Variants in GDAP1L1 observed in about 807,000 individuals in gnomAD.
The protein encoded by GDAP1L1 is ganglioside induced differentiation associated protein 1 like 1.
A neutral mutation model predicts 37.1 loss-of-function variants in GDAP1L1; 21 were observed. The observed-to-expected ratio is 0.57, with a 90% CI of 0.40 to 0.81. GDAP1L1 has a LOEUF of 0.81. Among genes scored for constraint, GDAP1L1 ranks in the 40% least tolerant of loss-of-function variants. GDAP1L1 has a pLI of 0.00. For missense variants in GDAP1L1, 362 were observed against 491.6 expected, an observed-to-expected ratio of 0.74 and a Z score of 2.49; for synonymous variants, 193 against 209.1, an observed-to-expected ratio of 0.92 and a Z score of 0.67.
intron 1 of GDAP1L1, among the ~76,000 whole-genome samples, chr20:44,253,148 CT>C (rs1347550974): frequency 6.6e-6 from 1 of 152,138 alleles, no homozygotes; most frequent in Admixed American, 6.6e-5. Flanking sequence ...TCTATTTTCT[CT>C]TTTTTTGGAC....
At chr20:44,268,825 G>A (rs2062482921) in intron 5 of GDAP1L1, among the ~76,000 whole-genome samples, 1 of 152,204 alleles carries the variant, frequency 6.6e-6, no homozygotes, top group Non-Finnish European at 1.5e-5. Context: ...GGTGAGGTGA[G>A]ATCACGGGCC....
rs147883207 is a variant in GDAP1L1, at chr20:44,247,423, C to A, written c.89C>A (p.Ala30Asp). Reference sequence around the variant, plus strand: ...AGCGATGCGGCCAAGCCAGCGGAGGCCCCCGACGCTCCCGAGGCGGCCAGC... The same window carrying A: ...AGCGATGCGGCCAAGCCAGCGGAGGACCCCGACGCTCCCGAGGCGGCCAGC... ...LESDAAKPAE[A>D]PDAPEAASPA... Residue 30 changes from alanine (A) to aspartate (D), a missense_variant, in exon 1 of 6, where the codon GCC becomes GAC. Ala to Asp is a moderately radical substitution (Grantham distance 126). Around this residue, in one of 2 missense-constraint regions of GDAP1L1, gnomAD observed 277 missense variants for 337.1 expected, o/e 0.82. Coordinates refer to ENST00000342560, the MANE Select transcript of GDAP1L1 (RefSeq NM_024034.6). 382 of 1,610,998 alleles carry A rather than the reference C, an allele frequency of 2.4e-4. 5 individuals are homozygous for A. The African/African-American group carries it at 4.4e-3, about 19-fold the overall frequency.
At chr20:44,264,900 G>C in intron 5 of GDAP1L1, 1 of 1,058,006 alleles carries the variant, frequency 9.5e-7, no homozygotes, top group South Asian at 3.0e-5. Flanking sequence ...ATAAAGGTAG[G>C]TGAAGATGAT....
intron 1 of GDAP1L1, among the ~76,000 whole-genome samples, chr20:44,255,128 T>C (rs1404447428): frequency 6.6e-6 from 1 of 152,108 alleles, no homozygotes; most frequent in Non-Finnish European, 1.5e-5. Context: ...CTAAGACACA[T>C]TACCCCTACT....
chr20:44,258,082 T>G (rs1200214398), intron 2 of GDAP1L1: 29 of 701,814 alleles, frequency 4.1e-5, no homozygotes, highest in African/African-American at 7.0e-5. Context: ...AGACATGCAC[T>G]GTTTTAAAAG....
At chr20:44,261,867 A>G (rs6031485) in intron 3 of GDAP1L1, among the ~76,000 whole-genome samples, 35,600 of 152,152 alleles carry the variant, frequency 0.23, 4,986 homozygotes, top group African/African-American at 0.39. Flanking sequence ...TCTAGAAGGA[A>G]GCTTTCAGGA....
chr20:44,274,587 T>A (rs1193740096), intron 5 of GDAP1L1, among the ~76,000 whole-genome samples: 2 of 152,218 alleles, frequency 1.3e-5, no homozygotes, highest in East Asian at 3.8e-4. Context: ...TGTCTCCTCT[T>A]CGGAACCCTG....
chr20:44,253,501 C>A (rs1490687251), intron 1 of GDAP1L1, among the ~76,000 whole-genome samples: 1 of 152,230 alleles, frequency 6.6e-6, no homozygotes, highest in African/African-American at 2.4e-5. Context: ...GAGACAACAA[C>A]CCAGCCCATC....
In GDAP1L1 at chr20:44,247,447, G is replaced by T; in HGVS notation, c.113G>T (p.Ser38Ile). ...AEAPDAPEAA[S>I]PAHWPRESLV... ...GCCCCCGACGCTCCCGAGGCGGCCA[G>T]CCCCGCCCATTGGCCCAGGGAGAGC... The change falls in exon 1 of 6, where the codon AGC (serine) becomes ATC (isoleucine). Residue 38 changes from serine to isoleucine, a missense_variant. Coordinates refer to ENST00000342560, the MANE Select transcript of GDAP1L1 (RefSeq NM_024034.6). 6.2e-7 allele frequency: 1 copy of T among 1,607,430 alleles called. No individual in the cohort carries two copies. The highest frequency in any genetic ancestry group is 8.5e-7 in the Non-Finnish European group (1 of 1,177,448).
intron 5 of GDAP1L1, among the ~76,000 whole-genome samples, chr20:44,272,706 A>G (rs1379169779): frequency 6.6e-6 from 1 of 152,218 alleles, no homozygotes; most frequent in East Asian, 1.9e-4. Flanking sequence ...CCAGGCGCAC[A>G]CACAAACACG....
Position 44,258,597 on chromosome 20 carries a change from C to T in GDAP1L1, c.537C>T (p.Ala179=), listed in dbSNP as rs149861755. Reference sequence around the variant, plus strand: ...CCATGATCCCCAAGTACGCCACGGCCGAGATCCGCAGTGAGTGCCAGGGCG... The same window carrying T: ...CCATGATCCCCAAGTACGCCACGGCTGAGATCCGCAGTGAGTGCCAGGGCG... ...TDSMIPKYAT[A]EIRRHLANAT... is the part of the protein sequence containing the mutation. The change falls in exon 3 of 6, where the codon GCC becomes GCT. Residue 179 remains alanine (A), a synonymous_variant. Transcript: ENST00000342560. 1.8e-5 allele frequency: 29 copies of T among 1,600,358 alleles called. 1 individual carries two copies. Among genetic ancestry groups the T allele is most frequent in the African/African-American group, 1.3e-5 (1 of 74,698 alleles).
In GDAP1L1 at chr20:44,279,398, A is replaced by G. The variant is rs2062618545; in HGVS notation, c.*98A>G. 1.2e-6 allele frequency: 1 copy of G among 801,128 alleles called. No individual in the cohort carries two copies. The highest frequency in any genetic ancestry group is 1.7e-5 in the African/African-American group (1 of 59,140). 49.6% of individuals were successfully genotyped at this position (801,128 alleles called of 1,614,324 possible). On this transcript the variant is annotated 3_prime_UTR_variant, in exon 6 of 6. Coordinates refer to ENST00000342560, the MANE Select transcript of GDAP1L1 (RefSeq NM_024034.6). ...CTCACTGTCTCATGAACACTTGGAC[A>G]GCCCTCCCCGCCCTTCGTTCTGAGT... is the stretch of plus-strand genomic sequence containing the variant.
At chr20:44,250,839 TAG>T (rs1271039078) in intron 1 of GDAP1L1, among the ~76,000 whole-genome samples, 2 of 152,268 alleles carry the variant, frequency 1.3e-5, no homozygotes, top group Non-Finnish European at 2.9e-5. Context: ...CAAAAAAGCA[TAG>T]AGTCAGGAGA....
chr20:44,250,825 G>A (rs1469315810), intron 1 of GDAP1L1, among the ~76,000 whole-genome samples: 1 of 152,090 alleles, frequency 6.6e-6, no homozygotes, highest in Non-Finnish European at 1.5e-5. Flanking sequence ...GAGGCCAGGA[G>A]GGGCAAAAAA....
Position 44,280,873 on chromosome 20 carries a change from A to T in GDAP1L1, c.*1573A>T, listed in dbSNP as rs1475778701. 6.6e-6 allele frequency: 1 copy of T among 152,282 alleles called. No individual in the cohort carries two copies. The highest frequency in any genetic ancestry group is 2.4e-5 in the African/African-American group (1 of 41,474). 9.4% of individuals were successfully genotyped at this position (152,282 alleles called of 1,614,324 possible). Reference sequence around the variant, plus strand: ...AATGTATTTAAAATGCCCAAAGAACATTAAATCAGGAGTATAATGTGTAGA... The same window carrying T: ...AATGTATTTAAAATGCCCAAAGAACTTTAAATCAGGAGTATAATGTGTAGA... On this transcript the variant is annotated 3_prime_UTR_variant, in exon 6 of 6. Coordinates refer to ENST00000342560, the MANE Select transcript of GDAP1L1 (RefSeq NM_024034.6).
chr20:44,274,094 C>T (rs573574415), intron 5 of GDAP1L1, among the ~76,000 whole-genome samples: 1 of 152,218 alleles, frequency 6.6e-6, no homozygotes, highest in South Asian at 2.1e-4. Context: ...TGATGAAATA[C>T]GGTAGTATAT....
chr20:44,267,990 C>G (rs1325946902), intron 5 of GDAP1L1, among the ~76,000 whole-genome samples: 1 of 152,186 alleles, frequency 6.6e-6, no homozygotes, highest in Non-Finnish European at 1.5e-5. Flanking sequence ...GGGGAGGTAG[C>G]AGAAGCCCCA....
rs1015268708 is a variant in GDAP1L1 at position 44,265,060 on chromosome 20, C to A, written c.760+501C>A. The A allele has an allele frequency of 5.1e-6, 5 of 985,234 alleles. No homozygotes were observed. In the Admixed American group the frequency reaches 3.1e-4, roughly 61 times the overall value. 61.0% of individuals were successfully genotyped at this position (985,234 alleles called of 1,614,324 possible). On this transcript the variant is annotated intron_variant, in intron 5 of 5. Transcript: ENST00000342560. Reference sequence around the variant, plus strand: ...GACATCATCATGCATACTGAATACTCGGTTGCTCCCCCATCACCTCCCTTA... The same window carrying A: ...GACATCATCATGCATACTGAATACTAGGTTGCTCCCCCATCACCTCCCTTA...
chr20:44,257,086 C>A, intron 1 of GDAP1L1, 67 bp from the exon 2 acceptor site: 1 of 1,467,434 alleles, frequency 6.8e-7, no homozygotes, highest in African/African-American at 1.4e-5. Flanking sequence ...CGCACACCCC[C>A]GCCCCACCTG....
Sources: allele counts gnomAD v4.1 joint callset (sites outside exome capture counted in the v4.1 genomes callset), GRCh38; gene constraint gnomAD v4.1.1; regional missense constraint gnomAD v4.1.1; transcripts MANE v1.5; gene names NCBI Gene and HGNC (gene_info 2026-07-23, HGNC 2026-07-21).